The following GALNT10 variants were observed in gnomAD, a reference collection of about 807,000 sequenced individuals.
GALNT10 encodes the protein GalNAc transferase 10.
In GALNT10, 41 loss-of-function variants were observed where a neutral mutation model predicts 75.0. The observed-to-expected ratio is 0.55, with a 90% CI of 0.43 to 0.71. GALNT10 has a LOEUF of 0.71. Ranked by LOEUF, GALNT10 falls within the 30% of genes least tolerant of loss-of-function variation. The pLI is 0.00. For missense variants in GALNT10, 727 were observed against 818.5 expected (o/e 0.89, Z 1.36); for synonymous variants, 302 against 313.0 (o/e 0.96, Z 0.37).
At chr5:154,273,033 G>A (rs932373095) in intron 1 of GALNT10, among the ~76,000 whole-genome samples, 8 of 152,186 alleles carry the variant, frequency 5.3e-5, no homozygotes, top group African/African-American at 1.9e-4. Flanking sequence ...AGGGCGAGGG[G>A]TCAGCTGAGG....
chr5:154,416,482 C>CACACAT lies in GALNT10; in HGVS notation c.1654-327_1654-326insTACACA, dbSNP rs974858184. 1.5e-5 allele frequency among the ~76,000 whole-genome samples: 1 copy of CACACAT among 65,464 alleles called. No individual in the cohort carries two copies. Among genetic ancestry groups the CACACAT allele is most frequent in the African/African-American group, 3.9e-5 (1 of 25,772 alleles). The allele number at this position is 65,464 out of a possible 152,430, so 42.9% of individuals were successfully genotyped here. On this transcript the variant is annotated intron_variant, in intron 11 of 11. Transcript: ENST00000297107. This position sits in a 1 kb window ranked among gnomAD's most constrained non-coding sequence, Gnocchi z 4.5. ...ATAAAAGATAAAAGGAAAGCACATA[C>CACACAT]ACACACACACACACACACACACACA...
chr5:154,252,869 C>T lies in GALNT10; in HGVS notation c.160-41947C>T, dbSNP rs185682565. ...TCTTCATTACCTGTCTTTGGTATTT[C>T]TCTGTAGTCACTTTCTCTTGAGTCT... On this transcript the variant is annotated intron_variant, in intron 1 of 11. Coordinates refer to ENST00000297107, the MANE Select transcript of GALNT10 (RefSeq NM_198321.4). Among the ~76,000 whole-genome samples, 4 of 151,812 alleles carry T rather than the reference C, an allele frequency of 2.6e-5. No individual in the cohort carries two copies. In the East Asian group the frequency reaches 7.7e-4, roughly 29 times the overall value.
chr5:154,378,520 A>G (rs1755690276), intron 5 of GALNT10, among the ~76,000 whole-genome samples: 1 of 152,304 alleles, frequency 6.6e-6, no homozygotes, highest in East Asian at 1.9e-4. Flanking sequence ...AGCTGCCCTC[A>G]GTAATCCTGG....
chr5:154,365,010 A>C (rs1317406491), intron 4 of GALNT10, among the ~76,000 whole-genome samples: 1 of 152,232 alleles, frequency 6.6e-6, no homozygotes, highest in Non-Finnish European at 1.5e-5. Context: ...ATTATTAAAC[A>C]GATTTATGGC....
intron 1 of GALNT10, among the ~76,000 whole-genome samples, chr5:154,287,913 TGAGAGA>T (rs10617417): frequency 1.8e-4 from 26 of 148,190 alleles, no homozygotes; most frequent in Admixed American, 2.0e-4. Context: ...TGTGTGTGTG[TGAGAGA>T]GAGAGAGAGA....
intron 4 of GALNT10, among the ~76,000 whole-genome samples, chr5:154,365,255 G>C (rs549008507): frequency 6.6e-6 from 1 of 152,254 alleles, no homozygotes; most frequent in South Asian, 2.1e-4. Context: ...GGCATGTTCA[G>C]GCCAAATACC....
chr5:154,191,456 C>G (rs1195782129), intron 1 of GALNT10, among the ~76,000 whole-genome samples: 1 of 141,044 alleles, frequency 7.1e-6, no homozygotes, highest in Non-Finnish European at 1.5e-5. Flanking sequence ...CCCACAACCC[C>G]TACCTGCTGA....
At chr5:154,344,756 A>G (rs1372027398) in intron 4 of GALNT10, among the ~76,000 whole-genome samples, 1 of 152,218 alleles carries the variant, frequency 6.6e-6, no homozygotes. Flanking sequence ...TTTCCCAGGC[A>G]GCATGACTTC....
intron 1 of GALNT10, among the ~76,000 whole-genome samples, chr5:154,227,918 G>T (rs1277251361): frequency 6.6e-6 from 1 of 152,126 alleles, no homozygotes; most frequent in Non-Finnish European, 1.5e-5. Context: ...GGTGGGGCTT[G>T]GTGGGAGGTG....
intron 1 of GALNT10, among the ~76,000 whole-genome samples, chr5:154,199,026 CTT>C (rs1330592079): frequency 1.3e-5 from 2 of 152,352 alleles, no homozygotes; most frequent in South Asian, 2.1e-4. Flanking sequence ...TAACCTCTCT[CTT>C]GGTCACTCTT....
chr5:154,219,727 T>A (rs1752941390), intron 1 of GALNT10: 1 of 149,820 alleles, frequency 6.7e-6, no homozygotes, highest in Admixed American at 6.6e-5. Context: ...CTCTCAGTGA[T>A]CTTTCCAAGC....
chr5:154,297,102 AG>A (rs1754287218), intron 2 of GALNT10, among the ~76,000 whole-genome samples: 1 of 152,208 alleles, frequency 6.6e-6, no homozygotes, highest in Non-Finnish European at 1.5e-5. Context: ...CAGATTCTTA[AG>A]CTACTATTGC....
At position 154,366,286 on chromosome 5, in the gene GALNT10, G is replaced by A. The variant is rs1475928612; in HGVS notation, c.569-9991G>A. 3.9e-5 allele frequency among the ~76,000 whole-genome samples: 6 copies of A among 152,064 alleles called. No homozygotes were observed. The East Asian group carries it at 1.2e-3, about 29-fold the overall frequency. On this transcript the variant is annotated intron_variant, in intron 4 of 11. Coordinates refer to ENST00000297107, the MANE Select transcript of GALNT10 (RefSeq NM_198321.4). ...CAATTGGAACATTATTAGAATTTTT[G>A]GAAATGGGTGTTAGGCAGGTTATAC...
chr5:154,311,143 T>C (rs1306078706), intron 3 of GALNT10, among the ~76,000 whole-genome samples: 3 of 152,222 alleles, frequency 2.0e-5, no homozygotes, highest in Non-Finnish European at 4.4e-5. Context: ...TTTCTTTTTA[T>C]TATTTCTGCA....
chr5:154,279,396 C>G (rs995241838), intron 1 of GALNT10, among the ~76,000 whole-genome samples: 8 of 151,468 alleles, frequency 5.3e-5, no homozygotes, highest in Non-Finnish European at 1.0e-4. Context: ...CTCCGCCTCC[C>G]AGGTTCAAGT....
At chr5:154,215,240 T>C (rs918247100) in intron 1 of GALNT10, among the ~76,000 whole-genome samples, 1 of 151,936 alleles carries the variant, frequency 6.6e-6, no homozygotes, top group African/African-American at 2.4e-5. Context: ...CCCAGCACTT[T>C]GGGAGGCTGA....
intron 4 of GALNT10, among the ~76,000 whole-genome samples, chr5:154,363,492 GAAAAA>G (rs57710576): frequency 6.4e-4 from 24 of 37,540 alleles, no homozygotes; most frequent in African/African-American, 1.6e-3. Context: ...GCGTTTATCT[GAAAAA>G]AAAAAAAAAA....
At chr5:154,203,619 C>G (rs1311518884) in intron 1 of GALNT10, among the ~76,000 whole-genome samples, 1 of 152,214 alleles carries the variant, frequency 6.6e-6, no homozygotes, top group African/African-American at 2.4e-5. Flanking sequence ...ATTAGTCTGT[C>G]TCTTGGAAAT....
chr5:154,391,720 A>G (rs1346435928), intron 7 of GALNT10, among the ~76,000 whole-genome samples: 1 of 152,256 alleles, frequency 6.6e-6, no homozygotes, highest in African/African-American at 2.4e-5. Flanking sequence ...CTGAAATTCC[A>G]GGGTAGACCC....
Sources: gnomAD v4.1 joint callset for allele counts (sites outside exome capture counted in the v4.1 genomes callset) on GRCh38, gnomAD v4.1.1 for gene constraint, Gnocchi (gnomAD v3.1) non-coding constraint, MANE v1.5 for transcripts, NCBI Gene and HGNC (gene_info 2026-07-23, HGNC 2026-07-21) for gene names.